Variants in MYO1D observed in about 807,000 individuals in gnomAD.
The protein encoded by MYO1D is myosin ID.
A neutral mutation model predicts 122.0 loss-of-function variants in MYO1D; 83 were observed. The ratio of observed to expected loss-of-function variants is 0.68; its 90% CI spans 0.57 to 0.82. The LOEUF (loss-of-function observed/expected upper bound fraction) is 0.82. Ranked by LOEUF, MYO1D falls within the 40% of genes least tolerant of loss-of-function variation. The pLI is 0.00. For synonymous variants in MYO1D, 464 were observed against 446.9 expected, an observed-to-expected ratio of 1.04 and a Z score of -0.48; for missense variants, 1,157 against 1,269.5, an observed-to-expected ratio of 0.91 and a Z score of 1.35.
intron 21 of MYO1D, among the ~76,000 whole-genome samples, chr17:32,522,035 T>C (rs1910157869): frequency 1.6e-5 from 2 of 123,658 alleles, no homozygotes; most frequent in Admixed American, 2.1e-4. Context: ...TGGGCTGAGA[T>C]CATGCCATTG....
intron 21 of MYO1D, among the ~76,000 whole-genome samples, chr17:32,531,826 A>T (rs1910515670): frequency 2.0e-5 from 3 of 152,218 alleles, no homozygotes; most frequent in Admixed American, 2.0e-4. Context: ...ATCATGCTGA[A>T]ATGTAGAGAA....
chr17:32,623,446 G>C (rs1237799914), intron 20 of MYO1D, among the ~76,000 whole-genome samples: 1 of 152,206 alleles, frequency 6.6e-6, no homozygotes, highest in African/African-American at 2.4e-5. Flanking sequence ...TGGTGGGGAT[G>C]GGGGGTCGTT....
At chr17:32,545,201 C>T (rs2086956323) in intron 21 of MYO1D, among the ~76,000 whole-genome samples, 1 of 152,182 alleles carries the variant, frequency 6.6e-6, no homozygotes, top group Non-Finnish European at 1.5e-5. Context: ...GAGTTGGAGT[C>T]CTAACTCTGC....
intron 15 of MYO1D, among the ~76,000 whole-genome samples, chr17:32,720,124 AC>A (rs900654767): frequency 3.8e-4 from 58 of 152,160 alleles, no homozygotes; most frequent in African/African-American, 1.3e-3. Flanking sequence ...TGGGGGGAAA[AC>A]TATAGTCGAG....
chr17:32,740,727 A>G (rs1284697789), intron 13 of MYO1D, among the ~76,000 whole-genome samples: 1 of 152,126 alleles, frequency 6.6e-6, no homozygotes, highest in African/African-American at 2.4e-5. Flanking sequence ...CTCCCACCTC[A>G]GCCTCCCAAA....
chr17:32,609,802 G>T (rs2087676442), intron 20 of MYO1D, among the ~76,000 whole-genome samples: 1 of 152,116 alleles, frequency 6.6e-6, no homozygotes, highest in Non-Finnish European at 1.5e-5. Context: ...AAAGAAATTG[G>T]AAATCATTCA....
At chr17:32,628,153 AC>A (rs1469069162) in intron 20 of MYO1D, among the ~76,000 whole-genome samples, 1 of 152,144 alleles carries the variant, frequency 6.6e-6, no homozygotes, top group Admixed American at 6.5e-5. Flanking sequence ...TCAAATTCTG[AC>A]CCTACTGTCC....
At chr17:32,560,845 C>T (rs2087118562) in intron 21 of MYO1D, among the ~76,000 whole-genome samples, 2 of 150,960 alleles carry the variant, frequency 1.3e-5, no homozygotes, top group African/African-American at 4.9e-5. Context: ...GTTTCAAATT[C>T]CCGATCTCGT....
At chr17:32,758,273 G>A (rs1434880907) in intron 10 of MYO1D, among the ~76,000 whole-genome samples, 1 of 151,970 alleles carries the variant, frequency 6.6e-6, no homozygotes, top group Non-Finnish European at 1.5e-5. Context: ...AAAGAAACAT[G>A]GAGAAAATCT....
At chr17:32,752,775 C>T (rs2089910434) in intron 11 of MYO1D, among the ~76,000 whole-genome samples, 1 of 151,992 alleles carries the variant, frequency 6.6e-6, no homozygotes, top group Non-Finnish European at 1.5e-5. Flanking sequence ...AAACAGATGG[C>T]ATGGATGTGG....
intron 16 of MYO1D, among the ~76,000 whole-genome samples, chr17:32,708,064 A>G (rs2089330242): frequency 6.6e-6 from 1 of 152,164 alleles, no homozygotes; most frequent in African/African-American, 2.4e-5. Flanking sequence ...TCAGTACAAC[A>G]CTATGCTGAG....
At chr17:32,588,807 G>C (rs948986032) in intron 21 of MYO1D, among the ~76,000 whole-genome samples, 1 of 152,060 alleles carries the variant, frequency 6.6e-6, no homozygotes. Flanking sequence ...CCTGGGCATG[G>C]TGGTGGACAC....
intron 20 of MYO1D, among the ~76,000 whole-genome samples, chr17:32,631,280 A>G (rs989484403): frequency 6.6e-6 from 1 of 152,204 alleles, no homozygotes; most frequent in Non-Finnish European, 1.5e-5. Context: ...TGATGGAATA[A>G]TTTTACTTCT....
rs560953120 is a variant in MYO1D, at chr17:32,864,007, CT to C, written c.95+12770del. Among the ~76,000 whole-genome samples the C allele has an allele frequency of 2.9e-3, 143 of 48,932 alleles. 1 individual carries two copies. Among genetic ancestry groups the C allele is most frequent in the East Asian group, 8.0e-3 (6 of 750 alleles). 32.1% of individuals were successfully genotyped at this position (48,932 alleles called of 152,430 possible). ...TAATTTTGGTTACAAACATTTCTTC[CT>C]TTTTTTTTTTTTTTTTTTTTTTTTT... On this transcript the variant is annotated intron_variant, in intron 1 of 21. Transcript: ENST00000318217.
chr17:32,795,756 C>T (rs923676328), intron 1 of MYO1D, among the ~76,000 whole-genome samples: 36 of 152,100 alleles, frequency 2.4e-4, no homozygotes, highest in Admixed American at 1.0e-3. Context: ...GAAGAGAGTC[C>T]GCCTGAAGAC....
intron 21 of MYO1D, among the ~76,000 whole-genome samples, chr17:32,563,204 C>CTTTTTTTTTTTTTTTTTTTTTTT (rs749819200): frequency 9.5e-6 from 1 of 105,134 alleles, no homozygotes; most frequent in Non-Finnish European, 1.8e-5. Context: ...TTTTTCTTCT[C>CTTTTTTTTTTTTTTTTTTTTTTT]TCTTTTTTTT....
At chr17:32,568,587 G>A (rs1251053692) in intron 21 of MYO1D, among the ~76,000 whole-genome samples, 2 of 152,220 alleles carry the variant, frequency 1.3e-5, no homozygotes, top group African/African-American at 4.8e-5. Context: ...ACTCTTGAGA[G>A]TTAAAGGACG....
At chr17:32,744,319 A>G (rs1340948315) in intron 13 of MYO1D, among the ~76,000 whole-genome samples, 2 of 152,084 alleles carry the variant, frequency 1.3e-5, no homozygotes, top group African/African-American at 2.4e-5. Context: ...GCCTTTTCTG[A>G]CTACCCTATC....
At chr17:32,628,618 G>A (rs1283993084) in intron 20 of MYO1D, among the ~76,000 whole-genome samples, 1 of 152,108 alleles carries the variant, frequency 6.6e-6, no homozygotes, top group Non-Finnish European at 1.5e-5. Flanking sequence ...GTGAAGAGAT[G>A]GTTCTCATAA....
Sources: allele counts gnomAD v4.1 joint callset (sites outside exome capture counted in the v4.1 genomes callset), GRCh38; gene constraint gnomAD v4.1.1; transcripts MANE v1.5; gene names NCBI Gene and HGNC (gene_info 2026-07-23, HGNC 2026-07-21).